Variants in DPH6 observed in about 807,000 individuals in gnomAD.
DPH6 encodes diphthamine biosynthesis 6.
In DPH6, 33 loss-of-function variants were observed where a neutral mutation model predicts 38.2. That is an observed-to-expected ratio of 0.86 (90% CI 0.65 to 1.15). The LOEUF is 1.15. Ranked by LOEUF, DPH6 falls within the 50% of genes most tolerant of loss-of-function variation. The pLI is 0.00. For missense variants in DPH6, 325 were observed against 320.0 expected (o/e 1.02, Z -0.12); for synonymous variants, 108 against 103.0 (o/e 1.05, Z -0.30).
At chr15:35,181,151 G>C in the DPH6 span, among the ~76,000 whole-genome samples, 1 of 151,782 alleles carries the variant, frequency 6.6e-6, no homozygotes. Context: ...AATGGGGATA[G>C]GACTATTTCC....
intron 3 of DPH6, among the ~76,000 whole-genome samples, chr15:35,511,622 A>T (rs1424861208): frequency 1.3e-5 from 2 of 151,706 alleles, no homozygotes; most frequent in African/African-American, 4.8e-5. Context: ...ACTTGCACAC[A>T]CTCCTACTTA....
chr15:35,165,002 T>A, the DPH6 span, among the ~76,000 whole-genome samples: 1 of 151,884 alleles, frequency 6.6e-6, no homozygotes, highest in Non-Finnish European at 1.5e-5. Context: ...TAAGCTTACC[T>A]GTTTTGTAAA....
At chr15:35,294,188 C>A (rs1258780995) in intron 3 of DPH6, among the ~76,000 whole-genome samples, 1 of 152,158 alleles carries the variant, frequency 6.6e-6, no homozygotes, top group Non-Finnish European at 1.5e-5. Context: ...TCCTCCTACT[C>A]CATCCCCAAC....
At chr15:35,520,550 T>A in intron 3 of DPH6, 1 of 984,752 alleles carries the variant, frequency 1.0e-6, no homozygotes, top group Non-Finnish European at 1.2e-6. Flanking sequence ...AGTACATATA[T>A]ACAATAAGAC....
chr15:35,210,946 C>CTTTTTTT, the DPH6 span, among the ~76,000 whole-genome samples: 9 of 61,580 alleles, frequency 1.5e-4, 1 homozygote, highest in East Asian at 6.6e-4. Flanking sequence ...AGATAGATCA[C>CTTTTTTT]TTTTTTTTTT....
intron 3 of DPH6, among the ~76,000 whole-genome samples, chr15:35,278,100 A>G (rs1014046318): frequency 1.3e-4 from 20 of 152,334 alleles, no homozygotes; most frequent in African/African-American, 4.8e-4. Flanking sequence ...ATGGGAAAAG[A>G]GGTCTTGAAG....
intron 3 of DPH6, among the ~76,000 whole-genome samples, chr15:35,468,966 G>A (rs191504817): frequency 6.6e-6 from 1 of 152,258 alleles, no homozygotes; most frequent in Admixed American, 6.5e-5. Flanking sequence ...TACTTGGGAG[G>A]CAGAGTCAGG....
At chr15:35,460,891 C>T (rs961138642) in intron 3 of DPH6, among the ~76,000 whole-genome samples, 1 of 112,636 alleles carries the variant, frequency 8.9e-6, no homozygotes, top group Non-Finnish European at 1.8e-5. Context: ...CAAAGAGATA[C>T]TCACAAACTG....
chr15:35,274,344 A>T (rs961875156), intron 3 of DPH6, among the ~76,000 whole-genome samples: 3 of 152,058 alleles, frequency 2.0e-5, no homozygotes, highest in African/African-American at 4.8e-5. Context: ...AGGCACGGGC[A>T]AAGACTTCAT....
chr15:35,363,911 C>T (rs1260849051), intron 3 of DPH6, among the ~76,000 whole-genome samples: 1 of 151,978 alleles, frequency 6.6e-6, no homozygotes, highest in Non-Finnish European at 1.5e-5. Context: ...AACCATTTAA[C>T]TCCACTTCTC....
At position 35,372,087 on chromosome 15, in the gene DPH6, A is replaced by T; in HGVS notation, c.*63T>A. ...AATAAACTAGTCATAGTAACTGAGAAAATACTATGCAATTTTTTTGTATAG... is the reference window on the plus strand; with the variant it reads ...AATAAACTAGTCATAGTAACTGAGATAATACTATGCAATTTTTTTGTATAG... On this transcript the variant is annotated 3_prime_UTR_variant, in exon 9 of 9. Coordinates refer to ENST00000256538, the MANE Select transcript of DPH6 (RefSeq NM_080650.4). 6.7e-7 allele frequency: 1 copy of T among 1,482,376 alleles called. No homozygotes were observed. Among genetic ancestry groups the T allele is most frequent in the Non-Finnish European group, 8.9e-7 (1 of 1,121,584 alleles). 91.8% of individuals were successfully genotyped at this position (1,482,376 alleles called of 1,614,324 possible).
rs572244467 is a variant in DPH6, at chr15:35,265,399, GA to G, written n.201-44818del. ...TGAAGGCATCCACAATATTCCACAT[GA>G]TGTCTAAGTGTAGCCAGACTGAACT... On this transcript the variant is annotated intron_variant and non_coding_transcript_variant, in intron 3 of 3. Transcript: ENST00000560386. Among the ~76,000 whole-genome samples, 7 of 152,264 alleles carry G rather than the reference GA, an allele frequency of 4.6e-5. No homozygotes were observed. In the South Asian group the frequency reaches 1.5e-3, roughly 32 times the overall value.
At chr15:35,524,977 C>T (rs779535072) in intron 3 of DPH6, among the ~76,000 whole-genome samples, 4 of 152,140 alleles carry the variant, frequency 2.6e-5, no homozygotes, top group Non-Finnish European at 4.4e-5. Context: ...TTCACATCAT[C>T]TCTGGAGGAA....
chr15:35,466,841 A>C (rs1354001806), intron 3 of DPH6, among the ~76,000 whole-genome samples: 2 of 152,180 alleles, frequency 1.3e-5, no homozygotes, highest in African/African-American at 4.8e-5. Flanking sequence ...AAACATATCT[A>C]ACCATAGAAA....
intron 3 of DPH6, among the ~76,000 whole-genome samples, chr15:35,355,971 C>T (rs996481047): frequency 2.6e-5 from 4 of 152,316 alleles, no homozygotes; most frequent in African/African-American, 9.6e-5. Context: ...TTCTTGGAGG[C>T]TTTGTTCATT....
At chr15:35,226,447 TAAAG>T (rs1278775773) in intron 3 of DPH6, among the ~76,000 whole-genome samples, 3 of 151,858 alleles carry the variant, frequency 2.0e-5, no homozygotes, top group Non-Finnish European at 4.4e-5. Flanking sequence ...AAAAAATAGG[TAAAG>T]AAAAGTGCAG....
chr15:35,508,187 T>C (rs936877408), intron 3 of DPH6, among the ~76,000 whole-genome samples: 28 of 152,110 alleles, frequency 1.8e-4, no homozygotes, highest in African/African-American at 6.8e-4. Context: ...AAGCCTTGGA[T>C]AGCTACATTC....
chr15:35,378,415 G>A (rs950539685), intron 7 of DPH6, among the ~76,000 whole-genome samples: 2 of 152,182 alleles, frequency 1.3e-5, no homozygotes, highest in Non-Finnish European at 2.9e-5. Context: ...GGAAGACAGT[G>A]TGGCGATTCC....
At chr15:35,267,004 G>C (rs1333286281) in intron 3 of DPH6, among the ~76,000 whole-genome samples, 1 of 152,140 alleles carries the variant, frequency 6.6e-6, no homozygotes, top group East Asian at 1.9e-4. Flanking sequence ...ACTGTGGGCA[G>C]CAATAGTAGA....
Sources: allele counts gnomAD v4.1 joint callset (sites outside exome capture counted in the v4.1 genomes callset), GRCh38; gene constraint gnomAD v4.1.1; transcripts MANE v1.5; gene names NCBI Gene and HGNC (gene_info 2026-07-23, HGNC 2026-07-21).